NUDT13: variants seen among roughly 807,000 people sequenced by gnomAD.
The protein encoded by NUDT13 is nudix hydrolase 13, also known as NAD(P)H pyrophosphatase NUDT13, mitochondrial.
In NUDT13, 40 loss-of-function variants were observed where a neutral mutation model predicts 41.7. The observed-to-expected ratio is 0.96, with a 90% confidence interval of 0.75 to 1.25. The LOEUF (loss-of-function observed/expected upper bound fraction) is 1.25, where lower values mean the gene tolerates loss of function less well. NUDT13 is among the 50% of genes most tolerant of loss of function. The pLI, the probability that NUDT13 is intolerant of heterozygous loss-of-function variation, is 0.00. For synonymous variants in NUDT13, 145 were observed against 155.5 expected, an observed-to-expected ratio of 0.93 and a Z score of 0.50; for missense variants, 390 against 416.1, an observed-to-expected ratio of 0.94 and a Z score of 0.55.
At chr10:73,126,622 A>G (rs1842787892) in intron 7 of NUDT13, 51 bp from the exon 8 acceptor site, 1 of 1,591,868 alleles carries the variant, frequency 6.3e-7, no homozygotes, top group African/African-American at 1.4e-5. Flanking sequence ...GGCTGTCTGT[A>G]TCACCCTTCT....
chr10:73,130,988 T>G lies in NUDT13; in HGVS notation c.*85T>G. On this transcript the variant is annotated 3_prime_UTR_variant, in exon 9 of 9. Transcript: ENST00000357321. ...TTGACAAAGGAGAAGTGACAAAAGA[T>G]AAGCTGCAGAAGGACCTCAGAAGGG... is the stretch of plus-strand genomic sequence containing the variant. The G allele has an allele frequency of 8.2e-7, 1 of 1,223,826 alleles. No homozygotes were observed. The highest frequency in any genetic ancestry group is 1.2e-6 in the Non-Finnish European group (1 of 843,608). The allele number at this position is 1,223,826 out of a possible 1,614,324, so 75.8% of individuals were successfully genotyped here. A position where few individuals can be genotyped will look rare whatever the true frequency, so the allele number is the denominator to read the frequency against.
intron 7 of NUDT13, among the ~76,000 whole-genome samples, chr10:73,125,780 G>A (rs1589666518): frequency 2.0e-5 from 3 of 151,260 alleles, no homozygotes; most frequent in East Asian, 1.9e-4. Flanking sequence ...AACCTTCTGG[G>A]TTCAAGCAAT....
Position 73,120,096 on chromosome 10 carries a change from T to A in NUDT13, c.162T>A (p.Ser54Arg), listed in dbSNP as rs771095839. 1 of 1,614,222 alleles carries A rather than the reference T, an allele frequency of 6.2e-7. No homozygotes were observed. The highest frequency in any genetic ancestry group is 1.7e-5 in the Admixed American group (1 of 60,022). ...CAGGAGCGTTTTACCTCTTTCATAG[T>A]CTGGCTCCTCTGCTTCAGACTTCAG... ...QQTGAFYLFH[S>R]LAPLLQTSAH... The change falls in exon 3 of 9, where the codon AGT becomes AGA. Residue 54 changes from serine (S) to arginine (R), a missense_variant. Transcript: ENST00000357321.
chr10:73,113,182 C>T (rs1482158136), intron 1 of NUDT13, among the ~76,000 whole-genome samples: 1 of 152,226 alleles, frequency 6.6e-6, no homozygotes, highest in Non-Finnish European at 1.5e-5. Flanking sequence ...CCACCGCACC[C>T]AGCCCTTCTA....
At chr10:73,119,896 T>C in intron 2 of NUDT13, 122 bp from the exon 3 acceptor site, 1 of 1,070,022 alleles carries the variant, frequency 9.3e-7, no homozygotes, top group East Asian at 2.4e-5. Context: ...AATTAGGTTG[T>C]AAATAAATAA....
Position 73,114,340 on chromosome 10 carries a change from T to TC in NUDT13, c.-9-17_-9-16insC. ...ATATTATGACTTTTTTTAAAACTCC[T>TC]TTTTTTTTTTTTTAAGGACCTGACA... On this transcript the variant is annotated splice_polypyrimidine_tract_variant and intron_variant, in intron 1 of 8. Coordinates refer to ENST00000357321, the MANE Select transcript of NUDT13 (RefSeq NM_015901.6). 4.7e-6 allele frequency: 1 copy of TC among 211,268 alleles called. No individual in the cohort carries two copies. The highest frequency in any genetic ancestry group is 6.9e-6 in the Non-Finnish European group (1 of 145,832). 13.1% of individuals were successfully genotyped at this position (211,268 alleles called of 1,614,324 possible). A position where few individuals can be genotyped will look rare whatever the true frequency, so the allele number is the denominator to read the frequency against.
intron 5 of NUDT13, chr10:73,124,907 T>C: frequency 2.0e-6 from 1 of 490,358 alleles, no homozygotes; most frequent in Non-Finnish European, 3.5e-6. Flanking sequence ...CATTTAAAAA[T>C]ATGCTTTCTT....
chr10:73,126,455 T>C (rs1332925124), intron 7 of NUDT13, among the ~76,000 whole-genome samples: 2 of 152,204 alleles, frequency 1.3e-5, no homozygotes, highest in South Asian at 2.1e-4. Flanking sequence ...TCCCTCCTAC[T>C]GTCACACTTA....
chr10:73,110,711 G>A (rs1197212200), intron 1 of NUDT13, 144 bp downstream of exon 1: 1 of 152,222 alleles, frequency 6.6e-6, no homozygotes, highest in Non-Finnish European at 1.5e-5. Context: ...AGAAACCAGG[G>A]ATATAACCAT....
At chr10:73,123,348 C>T (rs1842692817) in intron 4 of NUDT13, among the ~76,000 whole-genome samples, 1 of 152,322 alleles carries the variant, frequency 6.6e-6, no homozygotes, top group Non-Finnish European at 1.5e-5. Context: ...GCTATTGGCT[C>T]ATGGCTCCTG....
chr10:73,124,559 G>C (rs78388834), intron 5 of NUDT13: 10,089 of 461,230 alleles, frequency 0.022, 494 homozygotes, highest in African/African-American at 0.12. Context: ...GCAGATCTAT[G>C]GCAATAGGAT....
At position 73,120,137 on chromosome 10, in the gene NUDT13, C is replaced by T. The variant is rs776321796; in HGVS notation, c.203C>T (p.Ala68Val). The T allele has an allele frequency of 6.2e-7, 1 of 1,613,730 alleles. No homozygotes were observed. Among genetic ancestry groups the T allele is most frequent in the Non-Finnish European group, 8.5e-7 (1 of 1,179,658 alleles). The change falls in exon 3 of 9, where the codon GCC (alanine) becomes GTC (valine). Residue 68 changes from alanine to valine, a missense_variant. By Grantham distance (64) the Ala-to-Val change is moderately conservative (BLOSUM62 0). Coordinates refer to ENST00000357321, the MANE Select transcript of NUDT13 (RefSeq NM_015901.6). ...CAGACTTCAGCACATCAATACCTGG[C>T]CCCCCGGCACAGCCTGTTAGGTAAG... ...LLQTSAHQYL[A>V]PRHSLLELER...
At chr10:73,121,332 A>T (rs1842641870) in intron 3 of NUDT13, among the ~76,000 whole-genome samples, 1 of 152,232 alleles carries the variant, frequency 6.6e-6, no homozygotes, top group African/African-American at 2.4e-5. Flanking sequence ...TTTCTCCCAT[A>T]GGTCAGAAGT....
chr10:73,123,251 T>A (rs1842691192), intron 4 of NUDT13, among the ~76,000 whole-genome samples: 1 of 152,222 alleles, frequency 6.6e-6, no homozygotes, highest in African/African-American at 2.4e-5. Flanking sequence ...ACTTATAACA[T>A]CATTCTAATT....
chr10:73,117,167 G>A (rs966539755), intron 2 of NUDT13, among the ~76,000 whole-genome samples: 1 of 151,418 alleles, frequency 6.6e-6, no homozygotes, highest in Non-Finnish European at 1.5e-5. Flanking sequence ...ACAGGAGTAC[G>A]CCACCACGCC....
chr10:73,126,623 T>C, intron 7 of NUDT13, 50 bp from the exon 8 acceptor site: 1 of 1,591,728 alleles, frequency 6.3e-7, no homozygotes, highest in Non-Finnish European at 8.5e-7. Context: ...GCTGTCTGTA[T>C]CACCCTTCTA....
intron 2 of NUDT13, among the ~76,000 whole-genome samples, chr10:73,119,749 T>G (rs1351249727): frequency 6.6e-6 from 1 of 152,012 alleles, no homozygotes; most frequent in African/African-American, 2.4e-5. Context: ...CTTAAGGAGA[T>G]CATAGTCTCT....
chr10:73,121,466 T>C (rs535617760), intron 3 of NUDT13, among the ~76,000 whole-genome samples: 6 of 152,334 alleles, frequency 3.9e-5, no homozygotes, highest in African/African-American at 1.4e-4. Flanking sequence ...GTGTGTGTTA[T>C]GTTGTATTAT....
At chr10:73,111,168 C>T (rs1304770609) in intron 1 of NUDT13, among the ~76,000 whole-genome samples, 1 of 152,106 alleles carries the variant, frequency 6.6e-6, no homozygotes, top group African/African-American at 2.4e-5. Context: ...TTAACAGAGA[C>T]GGGGTTTCAC....
Sources: allele counts gnomAD v4.1 joint callset (sites outside exome capture counted in the v4.1 genomes callset), GRCh38; gene constraint gnomAD v4.1.1; transcripts MANE v1.5; gene names NCBI Gene and HGNC (gene_info 2026-07-23, HGNC 2026-07-21).